Variants in B3GNT5 observed in about 807,000 individuals in gnomAD.
The protein encoded by B3GNT5 is UDP-GlcNAc:betaGal beta-1,3-N-acetylglucosaminyltransferase 5.
In B3GNT5, 11 loss-of-function variants were observed where a neutral mutation model predicts 25.9. The observed-to-expected ratio is 0.42, with a 90% CI of 0.27 to 0.70. The LOEUF (loss-of-function observed/expected upper bound fraction) is 0.70. Ranked by LOEUF, B3GNT5 falls within the 30% of genes least tolerant of loss-of-function variation. The pLI is 0.23. For synonymous variants in B3GNT5, 166 were observed against 158.6 expected, an observed-to-expected ratio of 1.05 and a Z score of -0.35; for missense variants, 385 against 458.4, an observed-to-expected ratio of 0.84 and a Z score of 1.46.
At position 183,270,827 on chromosome 3, in the gene B3GNT5, C is replaced by T; in HGVS notation, c.1029C>T (p.Thr343=). ...WKNATDPKVK[T]ISKGFFGQIY... is the part of the protein sequence containing the mutation. ...ATGCTACAGATCCTAAAGTAAAAAC[C>T]ATTTCCAAAGGTTTTTTTGGTCAAA... is the stretch of plus-strand genomic sequence containing the variant. Residue 343 remains threonine (T), a synonymous_variant, in exon 2 of 2, where the codon ACC becomes ACT. Transcript: ENST00000326505. The surrounding 1 kb of genome is among the most constrained non-coding windows in gnomAD (Gnocchi z 4.5). 1 of 1,613,802 alleles carries T rather than the reference C, an allele frequency of 6.2e-7. No homozygotes were observed. The highest frequency in any genetic ancestry group is 1.1e-5 in the South Asian group (1 of 91,020).
intron 1 of B3GNT5, among the ~76,000 whole-genome samples, chr3:183,259,684 C>T (rs1427883306): frequency 6.6e-6 from 1 of 152,050 alleles, no homozygotes; most frequent in Non-Finnish European, 1.5e-5. Context: ...TTTTTGCCTC[C>T]TCTCCTTCCT....
chr3:183,263,529 C>A (rs958426978), intron 1 of B3GNT5, among the ~76,000 whole-genome samples: 1 of 151,880 alleles, frequency 6.6e-6, no homozygotes, highest in Non-Finnish European at 1.5e-5. Flanking sequence ...TTCATTGACT[C>A]CTCCTTTCTC....
In B3GNT5 at chr3:183,263,681, T is replaced by G. The variant is rs534399832; in HGVS notation, c.-301-5817T>G. Reference sequence around the variant, plus strand: ...CAGTCCTGTCTAACTCGTCTTAGATTATTACCCCCTGGACATCTGTACCTT... The same window carrying G: ...CAGTCCTGTCTAACTCGTCTTAGATGATTACCCCCTGGACATCTGTACCTT... On this transcript the variant is annotated intron_variant, in intron 1 of 1. Transcript: ENST00000326505. 3.4e-4 allele frequency among the ~76,000 whole-genome samples: 52 copies of G among 152,246 alleles called. 1 individual carries two copies. The South Asian group carries it at 7.7e-3, about 22-fold the overall frequency.
At position 183,272,763 on chromosome 3, in the gene B3GNT5, G is replaced by A. The variant is rs922212471; in HGVS notation, c.*1828G>A. 4.6e-6 allele frequency: 5 copies of A among 1,089,352 alleles called. No homozygotes were observed. In the African/African-American group the frequency reaches 5.0e-5, roughly 11 times the overall value. The allele number at this position is 1,089,352 out of a possible 1,614,324, so 67.5% of individuals were successfully genotyped here. On this transcript the variant is annotated 3_prime_UTR_variant, in exon 2 of 2. Coordinates refer to ENST00000326505, the MANE Select transcript of B3GNT5 (RefSeq NM_032047.5). ...TTTTATTAGTTGATTGATTAATGAT[G>A]TATTGCCTTTTGCCCATATATACCC...
chr3:183,270,854 A>G lies in B3GNT5; in HGVS notation c.1056A>G (p.Ile352Met), dbSNP rs201823168. 1.8e-5 allele frequency: 29 copies of G among 1,613,384 alleles called. 1 individual carries two copies. In the East Asian group the frequency reaches 6.2e-4, roughly 35 times the overall value. ...KTISKGFFGQ[I>M]YCRLMKIILL... ...TTTCCAAAGGTTTTTTTGGTCAAAT[A>G]TACTGCAGATTAATGAAGATAATTC... The change falls in exon 2 of 2, where the codon ATA (isoleucine) becomes ATG (methionine). Residue 352 changes from isoleucine (I) to methionine (M), a missense_variant. Physicochemically the swap from Ile to Met is conservative, Grantham distance 10. Transcript: ENST00000326505. This position sits in a 1 kb window ranked among gnomAD's most constrained non-coding sequence, Gnocchi z 4.5.
intron 1 of B3GNT5, among the ~76,000 whole-genome samples, chr3:183,262,511 A>AC (rs1725705902): frequency 6.6e-6 from 1 of 151,832 alleles, no homozygotes; most frequent in Non-Finnish European, 1.5e-5. Context: ...AGTTTTTGGT[A>AC]CCCCCTTAAA....
chr3:183,265,971 A>G (rs1726074998), intron 1 of B3GNT5: 1 of 152,240 alleles, frequency 6.6e-6, no homozygotes, highest in Non-Finnish European at 1.5e-5. Flanking sequence ...TTCAGAAAGC[A>G]TTTTGACTTG....
Position 183,272,998 on chromosome 3 carries a change from T to C in B3GNT5, c.*2063T>C, listed in dbSNP as rs905828365. The C allele has an allele frequency of 6.8e-7, 1 of 1,480,380 alleles. No individual in the cohort carries two copies. Among genetic ancestry groups the C allele is most frequent in the South Asian group, 1.4e-5 (1 of 71,686 alleles). 91.7% of individuals were successfully genotyped at this position (1,480,380 alleles called of 1,614,324 possible). On this transcript the variant is annotated 3_prime_UTR_variant, in exon 2 of 2. Coordinates refer to ENST00000326505, the MANE Select transcript of B3GNT5 (RefSeq NM_032047.5). ...CAAGGAAATATGAAGGCACTTCCTT[T>C]TTTTCTAAGAAGGAAGTTGCTAGAT...
chr3:183,261,570 C>G (rs772521654), intron 1 of B3GNT5, among the ~76,000 whole-genome samples: 1 of 152,060 alleles, frequency 6.6e-6, no homozygotes, highest in African/African-American at 2.4e-5. Flanking sequence ...AAGCATATCA[C>G]TTTTAAAGGG....
At chr3:183,269,048 C>T (rs1577002150) in intron 1 of B3GNT5, among the ~76,000 whole-genome samples, 1 of 152,000 alleles carries the variant, frequency 6.6e-6, no homozygotes, top group African/African-American at 2.4e-5. Flanking sequence ...TACTCTTATT[C>T]CTGCCTTGTC....
At position 183,270,436 on chromosome 3, in the gene B3GNT5, T is replaced by C. The variant is rs746922841; in HGVS notation, c.638T>C (p.Ile213Thr). 1.7e-5 allele frequency: 27 copies of C among 1,614,044 alleles called. No homozygotes were observed. Among genetic ancestry groups the C allele is most frequent in the Non-Finnish European group, 1.9e-5 (23 of 1,180,026 alleles). Residue 213 changes from isoleucine (I) to threonine (T), a missense_variant, in exon 2 of 2, where the codon ATT becomes ACT. Ile to Thr is a moderately conservative substitution (Grantham distance 89). Coordinates refer to ENST00000326505, the MANE Select transcript of B3GNT5 (RefSeq NM_032047.5). The surrounding 1 kb of genome is among the most constrained non-coding windows in gnomAD (Gnocchi z 4.5). ...LIEYLQSLEQ[I>T]GVQDFWIGRV... ...GAGTACCTTCAAAGTTTAGAACAAA[T>C]TGGTGTTCAAGACTTTTGGATTGGT...
rs991501149 is a variant in B3GNT5 at position 183,271,765 on chromosome 3, A to G, written c.*830A>G. On this transcript the variant is annotated 3_prime_UTR_variant, in exon 2 of 2. Coordinates refer to ENST00000326505, the MANE Select transcript of B3GNT5 (RefSeq NM_032047.5). ...TTTTCAACTGGTTTTTAAATATTCAATATTGGTCTGTGTTTAAGTTTGTTA... is the reference window on the plus strand; with the variant it reads ...TTTTCAACTGGTTTTTAAATATTCAGTATTGGTCTGTGTTTAAGTTTGTTA... 5 of 166,970 alleles carry G rather than the reference A, an allele frequency of 3.0e-5. 1 individual carries two copies. The South Asian group carries it at 8.3e-4, about 28-fold the overall frequency. The allele number at this position is 166,970 out of a possible 1,614,324, so 10.3% of individuals were successfully genotyped here.
intron 1 of B3GNT5, among the ~76,000 whole-genome samples, chr3:183,265,017 T>C (rs1325916627): frequency 6.6e-6 from 1 of 152,238 alleles, no homozygotes; most frequent in Non-Finnish European, 1.5e-5. Flanking sequence ...AGGTTGTATC[T>C]GAGATATCTG....
rs1726271126 is a variant in B3GNT5, at chr3:183,267,521, G to A, written c.-301-1977G>A. Among the ~76,000 whole-genome samples the A allele has an allele frequency of 6.6e-6, 1 of 152,212 alleles. No individual in the cohort carries two copies. Among genetic ancestry groups the A allele is most frequent in the East Asian group, 1.9e-4 (1 of 5,186 alleles). ...TGTGTACAGTTGGTTTTCTATCAGG[G>A]GTCAACCGGCGGGGGGACTTGAGAA... On this transcript the variant is annotated intron_variant, in intron 1 of 1. Transcript: ENST00000326505. The surrounding 1 kb of genome is among the most constrained non-coding windows in gnomAD (Gnocchi z 5.5).
At chr3:183,261,185 T>G (rs980903363) in intron 1 of B3GNT5, among the ~76,000 whole-genome samples, 9 of 152,184 alleles carry the variant, frequency 5.9e-5, no homozygotes, top group African/African-American at 2.2e-4. Context: ...TGTAAGTAAT[T>G]TATTAAGAAA....
At position 183,253,448 on chromosome 3, in the gene B3GNT5, C is replaced by T. The variant is rs1724699011; in HGVS notation, c.-326C>T. 1 of 152,234 alleles carries T rather than the reference C, an allele frequency of 6.6e-6. No individual in the cohort carries two copies. The highest frequency in any genetic ancestry group is 2.4e-5 in the African/African-American group (1 of 41,440). 9.4% of individuals were successfully genotyped at this position (152,234 alleles called of 1,614,324 possible). ...CTTCGTGAGTTTCGCTCTAAACTGCCCTTGAAATGAAGCTGGACTTGGAGG... is the reference window on the plus strand; with the variant it reads ...CTTCGTGAGTTTCGCTCTAAACTGCTCTTGAAATGAAGCTGGACTTGGAGG... On this transcript the variant is annotated 5_prime_UTR_variant, in exon 1 of 2. Transcript: ENST00000326505.
chr3:183,260,280 G>C (rs1323312473), intron 1 of B3GNT5, among the ~76,000 whole-genome samples: 1 of 152,126 alleles, frequency 6.6e-6, no homozygotes, highest in African/African-American at 2.4e-5. Flanking sequence ...TTGGAACAGG[G>C]CCTGGTATAT....
chr3:183,257,806 T>C (rs1168360056), intron 1 of B3GNT5, among the ~76,000 whole-genome samples: 3 of 152,110 alleles, frequency 2.0e-5, no homozygotes, highest in Non-Finnish European at 4.4e-5. Flanking sequence ...GATCTCCTTT[T>C]TTCCGTTTTT....
rs760491067 is a variant in B3GNT5, at chr3:183,270,169, A to G, written c.371A>G (p.Asn124Ser). The change falls in exon 2 of 2, where the codon AAC becomes AGC. Residue 124 changes from asparagine to serine, a missense_variant. Asn to Ser is a conservative substitution (Grantham distance 46). Coordinates refer to ENST00000326505, the MANE Select transcript of B3GNT5 (RefSeq NM_032047.5). This position sits in a 1 kb window ranked among gnomAD's most constrained non-coding sequence, Gnocchi z 4.5. ...TATGTTCGGTCTCAGCTGAATGCCA[A>G]CATCAAAACTCTGTTTGCCTTAGGA... ...ENYVRSQLNA[N>S]IKTLFALGTP... 8.1e-6 allele frequency: 13 copies of G among 1,614,050 alleles called. No individual in the cohort carries two copies. Among genetic ancestry groups the G allele is most frequent in the African/African-American group, 2.7e-5 (2 of 74,926 alleles).
Sources: gnomAD v4.1 joint callset for allele counts (sites outside exome capture counted in the v4.1 genomes callset) on GRCh38, gnomAD v4.1.1 for gene constraint, Gnocchi (gnomAD v3.1) non-coding constraint, MANE v1.5 for transcripts, NCBI Gene and HGNC (gene_info 2026-07-23, HGNC 2026-07-21) for gene names.